The following ZNF407 variants were observed in gnomAD, a reference collection of about 807,000 sequenced individuals.
ZNF407 encodes zinc finger protein 407.
In ZNF407, 17 loss-of-function variants were observed where a neutral mutation model predicts 131.2. That is an observed-to-expected ratio of 0.13 (90% CI 0.09 to 0.19). The LOEUF is 0.19. Ranked by LOEUF, ZNF407 falls within the 10% of genes least tolerant of loss-of-function variation. The pLI, the probability that ZNF407 is intolerant of heterozygous loss-of-function variation, is 1.00. For synonymous variants in ZNF407, 1,156 were observed against 1,062.0 expected, an observed-to-expected ratio of 1.09 and a Z score of -1.72; for missense variants, 2,681 against 2,830.6, an observed-to-expected ratio of 0.95 and a Z score of 1.20.
chr18:74,968,936 C>T (rs147364121), intron 8 of ZNF407, among the ~76,000 whole-genome samples: 183 of 152,238 alleles, frequency 1.2e-3, no homozygotes, highest in Admixed American at 2.6e-3. Context: ...CATGTTCCCT[C>T]GGGCTCTGTG....
chr18:74,813,245 T>G (rs1970222198), intron 4 of ZNF407, among the ~76,000 whole-genome samples: 1 of 152,132 alleles, frequency 6.6e-6, no homozygotes, highest in African/African-American at 2.4e-5. Context: ...GTGTTTTTGA[T>G]TGAGCTTGGA....
intron 3 of ZNF407, among the ~76,000 whole-genome samples, chr18:74,666,809 T>A (rs1985947963): frequency 6.6e-6 from 1 of 152,218 alleles, no homozygotes; most frequent in African/African-American, 2.4e-5. Flanking sequence ...GTGAATTACA[T>A]ATCATAAATC....
chr18:74,827,608 G>C (rs1970426583), intron 4 of ZNF407, among the ~76,000 whole-genome samples: 1 of 151,898 alleles, frequency 6.6e-6, no homozygotes. Context: ...GGCCTATTTT[G>C]TTCTTTCTTT....
At chr18:74,836,494 C>T (rs921869180) in intron 4 of ZNF407, among the ~76,000 whole-genome samples, 1 of 152,224 alleles carries the variant, frequency 6.6e-6, no homozygotes, top group Non-Finnish European at 1.5e-5. Context: ...CCCCAGCACA[C>T]AGCATGCTGC....
At chr18:74,722,682 A>G (rs948308993) in intron 3 of ZNF407, among the ~76,000 whole-genome samples, 4 of 152,116 alleles carry the variant, frequency 2.6e-5, no homozygotes, top group Admixed American at 2.0e-4. Context: ...CACCCCTCCC[A>G]CCAGCTCTCT....
chr18:74,889,484 C>T (rs1056252319), intron 6 of ZNF407, among the ~76,000 whole-genome samples: 1 of 151,892 alleles, frequency 6.6e-6, no homozygotes, highest in Non-Finnish European at 1.5e-5. Flanking sequence ...TTTTATTTTT[C>T]TTCATATCTA....
At chr18:74,600,798 G>A (rs773507294) in intron 1 of ZNF407, among the ~76,000 whole-genome samples, 5 of 152,208 alleles carry the variant, frequency 3.3e-5, no homozygotes, top group African/African-American at 4.8e-5. Flanking sequence ...GCTGGATCAC[G>A]GAGTATAAGA....
intron 8 of ZNF407, among the ~76,000 whole-genome samples, chr18:75,056,050 CA>C (rs1220727174): frequency 6.6e-6 from 1 of 152,190 alleles, no homozygotes; most frequent in Non-Finnish European, 1.5e-5. Flanking sequence ...TGTCCTCCTT[CA>C]ACATATTTTT....
At chr18:74,608,186 A>G (rs1223439836) in intron 1 of ZNF407, among the ~76,000 whole-genome samples, 1 of 152,228 alleles carries the variant, frequency 6.6e-6, no homozygotes, top group Non-Finnish European at 1.5e-5. Flanking sequence ...TAATACAATC[A>G]TTGAAACCAG....
At chr18:74,686,469 G>A (rs1967099823) in intron 3 of ZNF407, among the ~76,000 whole-genome samples, 1 of 152,080 alleles carries the variant, frequency 6.6e-6, no homozygotes, top group Non-Finnish European at 1.5e-5. Context: ...CCAGGCCCAG[G>A]TCTGTATTGT....
intron 8 of ZNF407, among the ~76,000 whole-genome samples, chr18:75,049,108 G>A (rs732131): frequency 4.0e-4 from 37 of 91,824 alleles, no homozygotes; most frequent in African/African-American, 1.4e-3. Context: ...TGGGTGGGGG[G>A]GGGGTGGGGG....
intron 4 of ZNF407, among the ~76,000 whole-genome samples, chr18:74,788,424 A>G (rs1424033395): frequency 6.6e-6 from 1 of 152,134 alleles, no homozygotes; most frequent in Non-Finnish European, 1.5e-5. Context: ...GTAGTGGTCC[A>G]GTGGTGCTTT....
chr18:75,003,488 T>A (rs1033479650), intron 8 of ZNF407, among the ~76,000 whole-genome samples: 25 of 152,228 alleles, frequency 1.6e-4, no homozygotes, highest in Non-Finnish European at 3.7e-4. Flanking sequence ...GAGAAATGAA[T>A]TTTTTAGGGC....
At chr18:74,711,278 A>G (rs1397140796) in intron 3 of ZNF407, among the ~76,000 whole-genome samples, 2 of 152,168 alleles carry the variant, frequency 1.3e-5, no homozygotes, top group African/African-American at 4.8e-5. Flanking sequence ...GGCACCTGTG[A>G]CTACATTATT....
chr18:74,654,980 C>T (rs1242119990), intron 3 of ZNF407, among the ~76,000 whole-genome samples: 5 of 151,632 alleles, frequency 3.3e-5, no homozygotes, highest in South Asian at 4.1e-4. Context: ...TTTTAAAGAA[C>T]GTATTTTAAA....
intron 7 of ZNF407, among the ~76,000 whole-genome samples, chr18:74,907,357 G>A (rs540631163): frequency 1.2e-4 from 18 of 152,274 alleles, no homozygotes; most frequent in African/African-American, 3.4e-4. Context: ...ATCAGACTCT[G>A]GGGAAGTGTC....
intron 7 of ZNF407, among the ~76,000 whole-genome samples, chr18:74,908,715 C>A (rs537776017): frequency 1.3e-5 from 2 of 152,204 alleles, no homozygotes; most frequent in Admixed American, 6.5e-5. Flanking sequence ...TTAGTGAGAA[C>A]ATAAGTTATA....
chr18:74,769,244 T>G (rs771065331), intron 3 of ZNF407, among the ~76,000 whole-genome samples: 2 of 152,210 alleles, frequency 1.3e-5, no homozygotes, highest in Non-Finnish European at 1.5e-5. Flanking sequence ...TGTCAAATGA[T>G]TTAATATACC....
In ZNF407 at chr18:74,867,129, T is replaced by A. The variant is rs538667283; in HGVS notation, c.4878-10068T>A. Among the ~76,000 whole-genome samples the A allele has an allele frequency of 5.3e-5, 8 of 152,108 alleles. 1 individual carries two copies. In the South Asian group the frequency reaches 1.7e-3, roughly 31 times the overall value. On this transcript the variant is annotated intron_variant, in intron 4 of 8. Coordinates refer to ENST00000299687, the MANE Select transcript of ZNF407 (RefSeq NM_017757.3). Reference sequence around the variant, plus strand: ...CCCAAGGTCAGAGAGTTAAATACACTGGTGTCAGTTAATGGTTCTAACAGG... The same window carrying A: ...CCCAAGGTCAGAGAGTTAAATACACAGGTGTCAGTTAATGGTTCTAACAGG...
Sources: gnomAD v4.1 joint callset for allele counts (sites outside exome capture counted in the v4.1 genomes callset) on GRCh38, gnomAD v4.1.1 for gene constraint, MANE v1.5 for transcripts, NCBI Gene and HGNC (gene_info 2026-07-23, HGNC 2026-07-21) for gene names.